The following FTO variants were observed in gnomAD, a reference collection of about 807,000 sequenced individuals.
FTO encodes FTO alpha-ketoglutarate dependent dioxygenase, also known as alpha-ketoglutarate-dependent dioxygenase FTO.
FTO carries 47 observed loss-of-function variants against 63.9 expected under a neutral mutation model. The observed-to-expected ratio is 0.74, with a 90% CI of 0.58 to 0.94. The LOEUF (loss-of-function observed/expected upper bound fraction) is 0.94, where lower values mean the gene tolerates loss of function less well. Ranked by LOEUF, FTO falls within the 40% of genes least tolerant of loss-of-function variation. FTO has a pLI of 0.00. For missense variants in FTO, 562 were observed against 618.1 expected (o/e 0.91, Z 0.96); for synonymous variants, 207 against 224.4 (o/e 0.92, Z 0.69).
At chr16:54,082,780 T>C (rs1386809095) in intron 8 of FTO, among the ~76,000 whole-genome samples, 3 of 152,172 alleles carry the variant, frequency 2.0e-5, no homozygotes, top group Non-Finnish European at 2.9e-5. Flanking sequence ...CAAGGACTCC[T>C]TTTGGTTGCA....
chr16:53,890,412 T>C (rs1275830021), intron 7 of FTO, among the ~76,000 whole-genome samples: 1 of 152,154 alleles, frequency 6.6e-6, no homozygotes, highest in Non-Finnish European at 1.5e-5. Context: ...TCTTATTTAT[T>C]ATAATTATTA....
intron 1 of FTO, among the ~76,000 whole-genome samples, chr16:53,754,251 GGCTTCTTCAAGATTACAAA>G (rs1237992217): frequency 6.6e-6 from 1 of 152,176 alleles, no homozygotes; most frequent in African/African-American, 2.4e-5. Context: ...AGAGTTTATT[GGCTTCTTCAAGATTACAAA>G]GCTACTTAAT....
chr16:54,110,264 T>C (rs948699711), intron 8 of FTO, among the ~76,000 whole-genome samples: 1 of 152,192 alleles, frequency 6.6e-6, no homozygotes, highest in African/African-American at 2.4e-5. Context: ...CTAAGAGGAT[T>C]GTCAAAAGCA....
intron 8 of FTO, among the ~76,000 whole-genome samples, chr16:54,057,007 G>A (rs2085451520): frequency 6.6e-6 from 1 of 152,154 alleles, no homozygotes; most frequent in Non-Finnish European, 1.5e-5. Context: ...AATAAAGCAA[G>A]GTCCCTGCCT....
In FTO at chr16:53,719,107, TTTG is replaced by T. The variant is rs202093750; in HGVS notation, c.45+14879_45+14881del. ...CCTTTTTGTGCTTTCTTTTGTCAAA[TTTG>T]GTATCGTATTATGCTAGTATCATAA... is the stretch of plus-strand genomic sequence containing the variant. On this transcript the variant is annotated intron_variant, in intron 1 of 8. Transcript: ENST00000471389. Among the ~76,000 whole-genome samples, 1,015 of 152,316 alleles carry T rather than the reference TTTG, an allele frequency of 6.7e-3. 4 individuals carry two copies. Among genetic ancestry groups the T allele is most frequent in the Middle Eastern group, 0.031 (9 of 294 alleles).
At chr16:54,096,633 T>G (rs565110842) in intron 8 of FTO, among the ~76,000 whole-genome samples, 35 of 152,326 alleles carry the variant, frequency 2.3e-4, no homozygotes, top group Middle Eastern at 3.4e-3. Flanking sequence ...AATCAGAGTT[T>G]AAGAGTGAGT....
In FTO at chr16:54,117,680, T is replaced by A. The variant is rs2086982406; in HGVS notation, c.*5765T>A. Reference sequence around the variant, plus strand: ...TAGGCGGATGGCATGGAACTTTTTATAAATGAGATATTATGAAAAATGATG... The same window carrying A: ...TAGGCGGATGGCATGGAACTTTTTAAAAATGAGATATTATGAAAAATGATG... On this transcript the variant is annotated 3_prime_UTR_variant, in exon 9 of 9. Coordinates refer to ENST00000471389, the MANE Select transcript of FTO (RefSeq NM_001080432.3). 1 of 152,234 alleles carries A rather than the reference T, an allele frequency of 6.6e-6. No individual in the cohort carries two copies. The highest frequency in any genetic ancestry group is 1.5e-5 in the Non-Finnish European group (1 of 68,032). 9.4% of individuals were successfully genotyped at this position (152,234 alleles called of 1,614,324 possible).
At chr16:53,756,511 G>T (rs2076928167) in intron 1 of FTO, among the ~76,000 whole-genome samples, 2 of 152,142 alleles carry the variant, frequency 1.3e-5, no homozygotes, top group Admixed American at 1.3e-4. Context: ...TTTGCATGTT[G>T]TCATCTTTTC....
At chr16:53,776,597 C>T (rs189782285) in intron 1 of FTO, among the ~76,000 whole-genome samples, 104 of 152,142 alleles carry the variant, frequency 6.8e-4, no homozygotes, top group African/African-American at 2.0e-3. Context: ...CTTTTAAAAG[C>T]CTTTATTGAT....
chr16:53,806,402 C>T (rs371404984), intron 1 of FTO, among the ~76,000 whole-genome samples: 36 of 152,280 alleles, frequency 2.4e-4, no homozygotes, highest in African/African-American at 8.2e-4. Context: ...CTAGTCATTT[C>T]CCACCTCTAT....
At chr16:54,063,959 A>G (rs1020854189) in intron 8 of FTO, 3 of 149,034 alleles carry the variant, frequency 2.0e-5, no homozygotes, top group Non-Finnish European at 2.9e-5. Flanking sequence ...TTTTTAAAAA[A>G]CAAGAAATTA....
intron 8 of FTO, among the ~76,000 whole-genome samples, chr16:54,103,265 A>T (rs2086678226): frequency 6.6e-6 from 1 of 152,228 alleles, no homozygotes; most frequent in African/African-American, 2.4e-5. Context: ...GGGTTTTTAA[A>T]GCACCTGAAC....
At chr16:53,828,927 A>G (rs866825130) in intron 3 of FTO, among the ~76,000 whole-genome samples, 1 of 152,134 alleles carries the variant, frequency 6.6e-6, no homozygotes, top group Admixed American at 6.5e-5. Flanking sequence ...GTGTTGCTCT[A>G]TCTCCCAGGC....
At chr16:54,031,493 G>A (rs1211011400) in intron 8 of FTO, among the ~76,000 whole-genome samples, 5 of 152,104 alleles carry the variant, frequency 3.3e-5, no homozygotes, top group Admixed American at 1.3e-4. Flanking sequence ...TAGCACGGGC[G>A]TCAAAACTGT....
intron 6 of FTO, among the ~76,000 whole-genome samples, chr16:53,881,699 C>T (rs2080841697): frequency 6.6e-6 from 1 of 152,186 alleles, no homozygotes; most frequent in African/African-American, 2.4e-5. Context: ...CTAATACCCT[C>T]TCAATATTTG....
chr16:53,723,360 T>C (rs758139730), intron 1 of FTO, among the ~76,000 whole-genome samples: 2 of 152,208 alleles, frequency 1.3e-5, no homozygotes, highest in African/African-American at 2.4e-5. Flanking sequence ...ATAAAGTTTT[T>C]AGTATTATTT....
chr16:53,930,221 CTTTTTTTTTTTTTTT>C (rs1014205147), intron 7 of FTO, among the ~76,000 whole-genome samples: 2 of 75,692 alleles, frequency 2.6e-5, no homozygotes, highest in Admixed American at 1.5e-4. Flanking sequence ...TGATTATCTT[CTTTTTTTTTTTTTTT>C]TTTTTTTTTT....
At chr16:54,093,473 C>T (rs1346069707) in intron 8 of FTO, among the ~76,000 whole-genome samples, 2 of 152,222 alleles carry the variant, frequency 1.3e-5, no homozygotes, top group African/African-American at 2.4e-5. Context: ...CAGGAGGTCA[C>T]AGCAGCTAAT....
At chr16:53,913,986 G>GAAAA (rs796724555) in intron 7 of FTO, among the ~76,000 whole-genome samples, 8 of 112,028 alleles carry the variant, frequency 7.1e-5, no homozygotes, top group African/African-American at 2.4e-4. Flanking sequence ...CTCAAAAAAA[G>GAAAA]AAAAAAAAAA....
Sources: allele counts gnomAD v4.1 joint callset (sites outside exome capture counted in the v4.1 genomes callset), GRCh38; gene constraint gnomAD v4.1.1; transcripts MANE v1.5; gene names NCBI Gene and HGNC (gene_info 2026-07-23, HGNC 2026-07-21).